The following SLMAP variants were observed in gnomAD, a reference collection of about 807,000 sequenced individuals.
SLMAP encodes sarcolemma associated protein, also known as sarcolemmal membrane-associated protein.
A neutral mutation model predicts 128.8 loss-of-function variants in SLMAP; 44 were observed. The observed-to-expected ratio is 0.34, with a 90% CI of 0.27 to 0.44. The LOEUF (loss-of-function observed/expected upper bound fraction) is 0.44. SLMAP is among the 20% of genes least tolerant of loss of function. The pLI is 1.00. For synonymous variants in SLMAP, 327 were observed against 348.8 expected, an observed-to-expected ratio of 0.94 and a Z score of 0.70; for missense variants, 787 against 985.3, an observed-to-expected ratio of 0.80 and a Z score of 2.69.
chr3:57,913,189 T>G lies in SLMAP; in HGVS notation c.2052T>G (p.Asn684Lys). Residue 684 changes from asparagine (N) to lysine (K), a missense_variant, in exon 21 of 25, where the codon AAT (asparagine) becomes AAG (lysine). Physicochemically the swap from Asn to Lys is moderately conservative, Grantham distance 94. Transcript: ENST00000671191. ...GELEKLRKEW[N>K]ALETECHSLK... is the part of the protein sequence containing the mutation. The stretch of plus-strand genomic sequence containing the variant: ...TAGAGAAGTTGAGAAAGGAATGGAA[T>G]GCATTGGAAACCGAATGCCATTCTC... 6.3e-7 allele frequency: 1 copy of G among 1,588,800 alleles called. No individual in the cohort carries two copies. The highest frequency in any genetic ancestry group is 1.7e-4 in the Middle Eastern group (1 of 5,976).
intron 17 of SLMAP, among the ~76,000 whole-genome samples, chr3:57,904,810 A>T (rs2096486332): frequency 6.6e-6 from 1 of 152,214 alleles, no homozygotes; most frequent in Admixed American, 6.5e-5. Context: ...GATAGAGACC[A>T]GGAAAACTAC....
At chr3:57,900,765 CCACTA>C (rs2096360114) in intron 17 of SLMAP, 1 of 152,756 alleles carries the variant, frequency 6.5e-6, no homozygotes, top group East Asian at 1.9e-4. Context: ...CCAGATCGTG[CCACTA>C]CACTCTAGCC....
chr3:57,896,858 T>G lies in SLMAP; in HGVS notation c.1442-15T>G. The G allele has an allele frequency of 6.3e-7, 1 of 1,588,530 alleles. No homozygotes were observed. The highest frequency in any genetic ancestry group is 8.5e-7 in the Non-Finnish European group (1 of 1,172,348). On this transcript the variant is annotated splice_polypyrimidine_tract_variant and intron_variant, in intron 16 of 24. Coordinates refer to ENST00000671191, the MANE Select transcript of SLMAP (RefSeq NM_001377540.1). ...ACTGTCTGTAATTATATATGTATTTTTTTCCTCTCTGTAGACGCCCAAATG... is the reference window on the plus strand; with the variant it reads ...ACTGTCTGTAATTATATATGTATTTGTTTCCTCTCTGTAGACGCCCAAATG...
chr3:57,761,786 G>A (rs184330183), intron 2 of SLMAP, among the ~76,000 whole-genome samples: 5 of 151,468 alleles, frequency 3.3e-5, no homozygotes, highest in African/African-American at 9.7e-5. Context: ...GGTGGCTCAC[G>A]CCTGTAATCC....
At chr3:57,778,570 C>CTTTTT (rs1171049495) in intron 2 of SLMAP, among the ~76,000 whole-genome samples, 80 of 115,078 alleles carry the variant, frequency 7.0e-4, no homozygotes, top group Non-Finnish European at 8.1e-4. Context: ...TTCTTTCTTT[C>CTTTTT]TTTTTTTTTT....
In SLMAP at chr3:57,831,460, T is replaced by C; in HGVS notation, c.276T>C (p.Ser92=). The stretch of plus-strand genomic sequence containing the variant: ...GATTGAGTCGAGGCTCTGAAGAAAG[T>C]CCACCATGTGAAATTCTTTCCGGTG... ...SQRLSRGSEE[S]PPCEILSGDI... is the part of the protein sequence containing the mutation. Residue 92 remains serine, a synonymous_variant, in exon 3 of 25, where the codon AGT becomes AGC. Coordinates refer to ENST00000671191, the MANE Select transcript of SLMAP (RefSeq NM_001377540.1). 1 of 1,598,950 alleles carries C rather than the reference T, an allele frequency of 6.3e-7. No individual in the cohort carries two copies. Among genetic ancestry groups the C allele is most frequent in the Non-Finnish European group, 8.5e-7 (1 of 1,171,644 alleles).
intron 16 of SLMAP, 125 bp downstream of exon 16, chr3:57,896,716 T>G: frequency 7.9e-7 from 1 of 1,265,362 alleles, no homozygotes; most frequent in South Asian, 1.5e-5. Flanking sequence ...ATTTATCAAG[T>G]CATCCCCTTT....
intron 2 of SLMAP, among the ~76,000 whole-genome samples, chr3:57,802,738 T>C (rs2088846936): frequency 1.3e-5 from 2 of 152,234 alleles, no homozygotes. Context: ...AGCTAGACTA[T>C]ATTTTGTTTA....
At chr3:57,917,326 A>G in intron 22 of SLMAP, 4 of 868,110 alleles carry the variant, frequency 4.6e-6, no homozygotes, top group Non-Finnish European at 6.5e-6. Context: ...TCTACCAGTT[A>G]CTTATATGAG....
At chr3:57,857,673 C>G in intron 6 of SLMAP, 60 bp from the exon 7 acceptor site, 1 of 1,071,332 alleles carries the variant, frequency 9.3e-7, no homozygotes, top group African/African-American at 1.6e-5. Flanking sequence ...GAAAATTGAT[C>G]ACTCCTCAAA....
In SLMAP at chr3:57,906,310, C is replaced by CTTT. The variant is rs999042505; in HGVS notation, c.1502-1554_1502-1552dup. Among the ~76,000 whole-genome samples, 92 of 47,014 alleles carry CTTT rather than the reference C, an allele frequency of 2.0e-3. 10 individuals are homozygous for CTTT. Among genetic ancestry groups the CTTT allele is most frequent in the Non-Finnish European group, 2.5e-3 (60 of 23,542 alleles). 30.8% of individuals were successfully genotyped at this position (47,014 alleles called of 152,430 possible). On this transcript the variant is annotated intron_variant, in intron 17 of 24. Transcript: ENST00000671191. ...GAATCAAATTTTTTTCTTTTTTTTT[C>CTTT]TTTTTTTTTTTTTTTTTTTTTTAGA...
In SLMAP at chr3:57,830,203, C is replaced by A. The variant is rs142040845; in HGVS notation, c.199-1180C>A. Among the ~76,000 whole-genome samples, 1,418 of 152,092 alleles carry A rather than the reference C, an allele frequency of 9.3e-3. 12 individuals carry two copies. The highest frequency in any genetic ancestry group is 0.015 in the Non-Finnish European group (1,035 of 67,972). On this transcript the variant is annotated intron_variant, in intron 2 of 24. Coordinates refer to ENST00000671191, the MANE Select transcript of SLMAP (RefSeq NM_001377540.1). ...GCACGTGCCACCACACCACCATACA[C>A]CACCATGTTGGCGAGGCTGGTCTCG...
At chr3:57,814,172 C>T (rs930514478) in intron 2 of SLMAP, among the ~76,000 whole-genome samples, 9 of 151,784 alleles carry the variant, frequency 5.9e-5, no homozygotes, top group African/African-American at 1.9e-4. Flanking sequence ...TGAACCCATC[C>T]GAGGGTGTCC....
chr3:57,779,887 A>G (rs990767764), intron 2 of SLMAP, among the ~76,000 whole-genome samples: 1 of 152,114 alleles, frequency 6.6e-6, no homozygotes, highest in Non-Finnish European at 1.5e-5. Context: ...AGTGCTTGCC[A>G]TGATGGAAGG....
intron 9 of SLMAP, among the ~76,000 whole-genome samples, chr3:57,861,301 AG>A (rs1356735597): frequency 6.6e-6 from 1 of 152,172 alleles, no homozygotes; most frequent in Admixed American, 6.5e-5. Flanking sequence ...GGTCCTTTCT[AG>A]GTCTTGGAGG....
At chr3:57,869,782 T>C (rs2095438623) in intron 13 of SLMAP, among the ~76,000 whole-genome samples, 1 of 150,832 alleles carries the variant, frequency 6.6e-6, no homozygotes, top group African/African-American at 2.4e-5. Flanking sequence ...CACTGTTTTC[T>C]TACTAATTCA....
intron 2 of SLMAP, among the ~76,000 whole-genome samples, chr3:57,812,619 G>T (rs1189290413): frequency 6.6e-6 from 1 of 152,122 alleles, no homozygotes; most frequent in Non-Finnish European, 1.5e-5. Flanking sequence ...CTGGAATTTT[G>T]ATAGGGATTG....
chr3:57,846,291 G>T (rs2094247403), intron 4 of SLMAP, among the ~76,000 whole-genome samples: 1 of 152,144 alleles, frequency 6.6e-6, no homozygotes, highest in African/African-American at 2.4e-5. Flanking sequence ...AGGCCAACAA[G>T]GCAACTGGTA....
intron 13 of SLMAP, 59 bp from the exon 14 acceptor site, chr3:57,871,577 T>G: frequency 7.7e-7 from 1 of 1,305,552 alleles, no homozygotes; most frequent in Non-Finnish European, 1.1e-6. Flanking sequence ...CTACCTTTGC[T>G]GTTGGTTTTC....
Sources: gnomAD v4.1 joint callset for allele counts (sites outside exome capture counted in the v4.1 genomes callset) on GRCh38, gnomAD v4.1.1 for gene constraint, MANE v1.5 for transcripts, NCBI Gene and HGNC (gene_info 2026-07-23, HGNC 2026-07-21) for gene names.